The following KCNN2 variants were observed in gnomAD, a reference collection of about 807,000 sequenced individuals.
KCNN2 encodes the protein small conductance calcium-activated potassium channel protein 2.
A neutral mutation model predicts 55.5 loss-of-function variants in KCNN2; 24 were observed. The ratio of observed to expected loss-of-function variants is 0.43; its 90% CI spans 0.31 to 0.61. KCNN2 has a LOEUF of 0.61. Ranked by LOEUF, KCNN2 falls within the 20% of genes least tolerant of loss-of-function variation. The pLI is 0.08. For synonymous variants in KCNN2, 431 were observed against 336.1 expected, an observed-to-expected ratio of 1.28 and a Z score of -3.09; for missense variants, 754 against 853.6, an observed-to-expected ratio of 0.88 and a Z score of 1.45.
intron 2 of KCNN2, among the ~76,000 whole-genome samples, chr5:114,354,844 A>G (rs1757270111): frequency 6.6e-6 from 1 of 152,150 alleles, no homozygotes; most frequent in Non-Finnish European, 1.5e-5. Flanking sequence ...CATAATGTAT[A>G]TTGTTTTGTA....
chr5:114,421,782 G>C (rs1441773386), intron 3 of KCNN2, among the ~76,000 whole-genome samples: 1 of 151,928 alleles, frequency 6.6e-6, no homozygotes. Context: ...GCTAATTTTT[G>C]TATTTTTAGT....
chr5:114,422,385 A>G (rs577786516), intron 3 of KCNN2, among the ~76,000 whole-genome samples: 2 of 152,280 alleles, frequency 1.3e-5, no homozygotes, highest in East Asian at 1.9e-4. Flanking sequence ...CTGTGAGGAC[A>G]CAGAGAGAAG....
intron 4 of KCNN2, among the ~76,000 whole-genome samples, chr5:114,464,090 G>A (rs1420305093): frequency 6.6e-6 from 1 of 152,082 alleles, no homozygotes; most frequent in Non-Finnish European, 1.5e-5. Context: ...CGTTCTTCTG[G>A]CATGCCTCAT....
chr5:114,312,211 G>A (rs1364722123), intron 2 of KCNN2, among the ~76,000 whole-genome samples: 1 of 151,688 alleles, frequency 6.6e-6, no homozygotes, highest in African/African-American at 2.4e-5. Context: ...CTTGGCGTGA[G>A]TTTTTGGAAC....
intron 1 of KCNN2, among the ~76,000 whole-genome samples, chr5:114,191,868 C>T (rs555967026): frequency 2.0e-5 from 3 of 152,258 alleles, no homozygotes; most frequent in Admixed American, 6.5e-5. Context: ...TTCACCATGA[C>T]CCAGAAGCTG....
intron 2 of KCNN2, among the ~76,000 whole-genome samples, chr5:114,375,377 G>C (rs976431070): frequency 6.6e-6 from 1 of 152,072 alleles, no homozygotes; most frequent in Non-Finnish European, 1.5e-5. Context: ...CTTTTAGGTA[G>C]GTACCCAAGC....
intron 2 of KCNN2, among the ~76,000 whole-genome samples, chr5:114,250,690 A>AAG (rs1316988324): frequency 9.2e-5 from 14 of 152,322 alleles, no homozygotes; most frequent in African/African-American, 3.4e-4. Flanking sequence ...GAATGCAGGC[A>AAG]AGAGTCTGTG....
intron 1 of KCNN2, among the ~76,000 whole-genome samples, chr5:114,184,027 C>A (rs1235908130): frequency 6.6e-6 from 1 of 152,106 alleles, no homozygotes; most frequent in East Asian, 1.9e-4. Context: ...AGAATGTGAA[C>A]ATAGGTCTAA....
chr5:114,465,176 G>A (rs755750433), intron 4 of KCNN2, among the ~76,000 whole-genome samples: 32 of 152,156 alleles, frequency 2.1e-4, no homozygotes, highest in Non-Finnish European at 2.8e-4. Flanking sequence ...TTTACAAAAT[G>A]TTTATCGTTC....
At chr5:114,099,739 A>C (rs923320209) in intron 1 of KCNN2, among the ~76,000 whole-genome samples, 1 of 152,140 alleles carries the variant, frequency 6.6e-6, no homozygotes, top group Non-Finnish European at 1.5e-5. Context: ...TTTTCTTCAG[A>C]TATAGTAGCC....
chr5:114,326,094 T>C (rs1380295676), intron 2 of KCNN2, among the ~76,000 whole-genome samples: 3 of 152,214 alleles, frequency 2.0e-5, no homozygotes, highest in Non-Finnish European at 4.4e-5. Context: ...CTTTCAGCTT[T>C]CAGAATTTGG....
At chr5:114,226,311 CAGTAT>C (rs1445815585) in intron 2 of KCNN2, among the ~76,000 whole-genome samples, 2 of 152,126 alleles carry the variant, frequency 1.3e-5, no homozygotes, top group East Asian at 3.9e-4. Flanking sequence ...CTCTGCAGTA[CAGTAT>C]ATCGATTTAT....
chr5:114,382,892 G>T (rs1228376039), intron 2 of KCNN2, among the ~76,000 whole-genome samples: 1 of 152,186 alleles, frequency 6.6e-6, no homozygotes, highest in Non-Finnish European at 1.5e-5. Flanking sequence ...TGGGTTGTTG[G>T]TGTTTAATAT....
At chr5:114,154,016 T>A (rs1748111856) in intron 1 of KCNN2, among the ~76,000 whole-genome samples, 1 of 152,210 alleles carries the variant, frequency 6.6e-6, no homozygotes, top group Admixed American at 6.6e-5. Context: ...CAGCTCCTCC[T>A]GTGTTCTGGC....
intron 2 of KCNN2, among the ~76,000 whole-genome samples, chr5:114,314,574 A>G (rs1045167322): frequency 6.6e-6 from 1 of 152,008 alleles, no homozygotes; most frequent in Non-Finnish European, 1.5e-5. Flanking sequence ...AAAATTTTTT[A>G]CTTTCTGGCT....
chr5:114,407,121 GGAT>G (rs1309166710), intron 3 of KCNN2, among the ~76,000 whole-genome samples: 1 of 151,868 alleles, frequency 6.6e-6, no homozygotes, highest in African/African-American at 2.4e-5. Flanking sequence ...TAAAATACAA[GGAT>G]GTATTTTAAT....
intron 2 of KCNN2, among the ~76,000 whole-genome samples, chr5:114,321,752 C>G (rs1383537872): frequency 1.3e-5 from 2 of 152,112 alleles, no homozygotes; most frequent in Non-Finnish European, 2.9e-5. Context: ...TCACTGCATC[C>G]TCTGCCTCCT....
chr5:114,418,671 A>G (rs1759379105), intron 3 of KCNN2, among the ~76,000 whole-genome samples: 1 of 152,178 alleles, frequency 6.6e-6, no homozygotes, highest in East Asian at 1.9e-4. Flanking sequence ...TATTTTGAGT[A>G]ACCCTAAAGC....
rs376774991 is a variant in KCNN2 at position 114,461,050 on chromosome 5, T to TATTTC, written c.1638-1998_1638-1994dup. The stretch of plus-strand genomic sequence containing the variant: ...TATTAATAGATTATAATCCAGAGTT[T>TATTTC]ATTTCTAGGGGTTTTATTTTGAAAG... On this transcript the variant is annotated intron_variant, in intron 3 of 7. Coordinates refer to ENST00000673685, the MANE Select transcript of KCNN2 (RefSeq NM_021614.4). 3.3e-4 allele frequency among the ~76,000 whole-genome samples: 50 copies of TATTTC among 152,296 alleles called. No individual in the cohort carries two copies. In the East Asian group the frequency reaches 7.2e-3, roughly 22 times the overall value.
Sources: allele counts gnomAD v4.1 joint callset (sites outside exome capture counted in the v4.1 genomes callset), GRCh38; gene constraint gnomAD v4.1.1; transcripts MANE v1.5; gene names NCBI Gene and HGNC (gene_info 2026-07-23, HGNC 2026-07-21).